SGCD: variants seen among roughly 807,000 people sequenced by gnomAD.
SGCD encodes sarcoglycan delta.
Under a neutral mutation model 36.6 loss-of-function variants are expected in SGCD, and 18 were observed. That is an observed-to-expected ratio of 0.49 (90% CI 0.34 to 0.73). The LOEUF (loss-of-function observed/expected upper bound fraction) is 0.73. Ranked by LOEUF, SGCD falls within the 30% of genes least tolerant of loss-of-function variation. The probability of loss-of-function intolerance (pLI) is 0.01; values close to 1 mark genes in which losing one functional copy is unlikely to be tolerated. For missense variants in SGCD, 387 were observed against 346.7 expected (o/e 1.12, Z -0.92); for synonymous variants, 133 against 130.6 (o/e 1.02, Z -0.12).
In SGCD at chr5:156,759,246, A is replaced by G. The variant is rs1362282180; in HGVS notation, c.729A>G (p.Leu243=). 1 of 1,613,770 alleles carries G rather than the reference A, an allele frequency of 6.2e-7. No homozygotes were observed. Among genetic ancestry groups the G allele is most frequent in the East Asian group, 2.2e-5 (1 of 44,870 alleles). ...EIKLDAAKIR[L]PRLPHGSYTP... Reference sequence around the variant, plus strand: ...AGTTAGATGCTGCGAAAATCAGGCTACCTAGACTGCCTCATGGATCCTACA... The same window carrying G: ...AGTTAGATGCTGCGAAAATCAGGCTGCCTAGACTGCCTCATGGATCCTACA... The change falls in exon 9 of 9, where the codon CTA becomes CTG. Residue 243 remains leucine (L), a synonymous_variant. Transcript: ENST00000337851.
chr5:156,310,282 CA>C (rs1767357611), intron 3 of SGCD, among the ~76,000 whole-genome samples: 2 of 152,176 alleles, frequency 1.3e-5, no homozygotes, highest in African/African-American at 4.8e-5. Flanking sequence ...CCTTGGAAGT[CA>C]CTTTTGTCAG....
chr5:156,468,970 T>C (rs574770812), intron 3 of SGCD, among the ~76,000 whole-genome samples: 2 of 152,314 alleles, frequency 1.3e-5, no homozygotes, highest in South Asian at 2.1e-4. Context: ...CCAGCCTGGA[T>C]GACAGAGTGA....
chr5:155,803,941 C>T, the SGCD span, among the ~76,000 whole-genome samples: 1 of 152,178 alleles, frequency 6.6e-6, no homozygotes, highest in Non-Finnish European at 1.5e-5. Flanking sequence ...CATTGAGAAA[C>T]ATGGTGATTT....
At chr5:156,717,209 G>T (rs1755264703) in intron 7 of SGCD, among the ~76,000 whole-genome samples, 1 of 152,010 alleles carries the variant, frequency 6.6e-6, no homozygotes, top group African/African-American at 2.4e-5. Flanking sequence ...ATGCCTCAAA[G>T]AGAGAGAAAC....
intron 1 of SGCD, among the ~76,000 whole-genome samples, chr5:155,976,507 G>A (rs528910336): frequency 1.3e-5 from 2 of 152,312 alleles, no homozygotes; most frequent in African/African-American, 4.8e-5. Context: ...CAGGCTCATG[G>A]CATGCCAGGC....
intron 3 of SGCD, among the ~76,000 whole-genome samples, chr5:156,226,225 C>T (rs540645437): frequency 6.6e-6 from 1 of 152,180 alleles, no homozygotes; most frequent in East Asian, 1.9e-4. Context: ...CCGACTCCCG[C>T]CCTTTCCCCC....
chr5:155,776,049 A>T, the SGCD span, among the ~76,000 whole-genome samples: 1 of 152,190 alleles, frequency 6.6e-6, no homozygotes, highest in Admixed American at 6.5e-5. Context: ...AAGTTTCTGG[A>T]TGTTAACTAG....
rs369627357 is a variant in SGCD at position 156,642,293 on chromosome 5, A to G, written c.503-5171A>G. Among the ~76,000 whole-genome samples, 27 of 152,134 alleles carry G rather than the reference A, an allele frequency of 1.8e-4. No individual in the cohort carries two copies. The South Asian group carries it at 5.6e-3, about 32-fold the overall frequency. On this transcript the variant is annotated intron_variant, in intron 6 of 8. Coordinates refer to ENST00000337851, the MANE Select transcript of SGCD (RefSeq NM_000337.6). ...GGGGGACACAAACAAGTAATCCATAACATGCAGCTACAGTGATCTTTGGAA... is the reference window on the plus strand; with the variant it reads ...GGGGGACACAAACAAGTAATCCATAGCATGCAGCTACAGTGATCTTTGGAA...
intron 3 of SGCD, among the ~76,000 whole-genome samples, chr5:156,483,606 T>C (rs1194294808): frequency 6.6e-6 from 1 of 152,206 alleles, no homozygotes; most frequent in African/African-American, 2.4e-5. Flanking sequence ...ATGGGGTGCA[T>C]TCGGATTATT....
At chr5:155,841,054 G>A in the SGCD span, among the ~76,000 whole-genome samples, 2 of 140,550 alleles carry the variant, frequency 1.4e-5, no homozygotes, top group African/African-American at 5.3e-5. Flanking sequence ...TGGGGCACTG[G>A]GTGTGCTTAT....
At chr5:156,052,827 TG>T (rs1759956313) in intron 1 of SGCD, among the ~76,000 whole-genome samples, 1 of 146,614 alleles carries the variant, frequency 6.8e-6, no homozygotes, top group Non-Finnish European at 1.5e-5. Flanking sequence ...CACATTAACT[TG>T]GGCACAGGGA....
intron 4 of SGCD, 90 bp downstream of exon 4, chr5:156,508,792 A>G (rs1028612874): frequency 1.4e-6 from 1 of 736,870 alleles, no homozygotes; most frequent in African/African-American, 1.8e-5. Context: ...AGTACAGAGA[A>G]TTGGGGTGGG....
intron 6 of SGCD, among the ~76,000 whole-genome samples, chr5:156,632,030 T>C (rs571177870): frequency 6.6e-6 from 1 of 152,252 alleles, no homozygotes; most frequent in Non-Finnish European, 1.5e-5. Flanking sequence ...TGTAGACTTA[T>C]CAATCACTGA....
At chr5:155,787,276 G>T in the SGCD span, among the ~76,000 whole-genome samples, 1 of 152,088 alleles carries the variant, frequency 6.6e-6, no homozygotes, top group Non-Finnish European at 1.5e-5. Flanking sequence ...AATGGCAAGG[G>T]ACTATACAAT....
At chr5:156,444,452 A>T (rs1339468035) in intron 3 of SGCD, among the ~76,000 whole-genome samples, 12 of 152,064 alleles carry the variant, frequency 7.9e-5, no homozygotes. Flanking sequence ...GGCAGTTTGC[A>T]CTTTCAAAAC....
intron 3 of SGCD, among the ~76,000 whole-genome samples, chr5:156,423,406 A>G (rs867897529): frequency 2.9e-4 from 24 of 82,388 alleles, no homozygotes; most frequent in Non-Finnish European, 5.2e-4. Flanking sequence ...TTTTATTATA[A>G]TATAATATAT....
intron 3 of SGCD, among the ~76,000 whole-genome samples, chr5:156,171,408 T>G (rs967029110): frequency 1.3e-5 from 2 of 152,200 alleles, no homozygotes; most frequent in African/African-American, 4.8e-5. Context: ...CATCAATAGA[T>G]CTAAACAGCT....
Position 156,103,241 on chromosome 5 carries a change from C to G in SGCD, c.-281-14637C>G, listed in dbSNP as rs775933006. On this transcript the variant is annotated intron_variant, in intron 1 of 9. Coordinates refer to the SGCD transcript ENST00000517913. ...GAGTAATGTCTAAGCCCCACTACTACTCCAGACTTCATAAATGAAAATGAA... is the reference window on the plus strand; with the variant it reads ...GAGTAATGTCTAAGCCCCACTACTAGTCCAGACTTCATAAATGAAAATGAA... Among the ~76,000 whole-genome samples, 16 of 152,274 alleles carry G rather than the reference C, an allele frequency of 1.1e-4. No individual in the cohort carries two copies. In the South Asian group the frequency reaches 2.9e-3, roughly 28 times the overall value.
At chr5:156,348,995 T>C (rs1309477241) in intron 3 of SGCD, among the ~76,000 whole-genome samples, 1 of 151,706 alleles carries the variant, frequency 6.6e-6, no homozygotes, top group African/African-American at 2.4e-5. Flanking sequence ...AAAACATAAA[T>C]TGGAGAAAGG....
Sources: allele counts gnomAD v4.1 joint callset (sites outside exome capture counted in the v4.1 genomes callset), GRCh38; gene constraint gnomAD v4.1.1; transcripts MANE v1.5; gene names NCBI Gene and HGNC (gene_info 2026-07-23, HGNC 2026-07-21).